DACH2: variants seen among roughly 807,000 people sequenced by gnomAD.
The protein encoded by DACH2 is dachshund family transcription factor 2.
Under a neutral mutation model 35.8 loss-of-function variants are expected in DACH2, and 17 were observed. That is an observed-to-expected ratio of 0.48 (90% confidence interval 0.33 to 0.71). The LOEUF is 0.71. DACH2 is among the 30% of genes least tolerant of loss of function. The pLI is 0.02. For missense variants in DACH2, 469 were observed against 472.7 expected (o/e 0.99, Z 0.07); for synonymous variants, 195 against 177.3 (o/e 1.10, Z -0.79).
chrX:86,679,512 C>T (rs1203605278), intron 4 of DACH2, among the ~76,000 whole-genome samples: 1 of 110,743 alleles, frequency 9.0e-6, no homozygotes, highest in Non-Finnish European at 1.9e-5. Context: ...TTTGAAGTTA[C>T]TATTATTTTA....
intron 3 of DACH2, among the ~76,000 whole-genome samples, chrX:86,587,863 T>C (rs2039594735): frequency 8.9e-6 from 1 of 112,135 alleles, no homozygotes; most frequent in Admixed American, 9.5e-5. Flanking sequence ...GTGCAAAAGC[T>C]TTCATTTAAT....
intron 3 of DACH2, among the ~76,000 whole-genome samples, chrX:86,569,059 A>G (rs1476501687): frequency 9.0e-6 from 1 of 111,514 alleles, no homozygotes; most frequent in Non-Finnish European, 1.9e-5. Flanking sequence ...AATGTGACAG[A>G]CAAGATTTAG....
intron 1 of DACH2, chrX:86,160,192 A>G (rs1300200631): frequency 9.1e-7 from 1 of 1,099,705 alleles, no homozygotes. Context: ...TTCTTCCACC[A>G]CTGATTAAGA....
chrX:86,161,225 C>A (rs189772925), intron 1 of DACH2: 1 of 1,185,521 alleles, frequency 8.4e-7, no homozygotes, highest in African/African-American at 1.8e-5. Context: ...GTTTCACATC[C>A]AGTGTGTAAG....
At chrX:86,419,837 A>C (rs1332342961) in intron 2 of DACH2, among the ~76,000 whole-genome samples, 5 of 111,617 alleles carry the variant, frequency 4.5e-5, no homozygotes, top group Non-Finnish European at 9.4e-5. Context: ...GATGATGCCT[A>C]GCTTCAGGAG....
intron 3 of DACH2, among the ~76,000 whole-genome samples, chrX:86,541,730 T>A (rs1442829732): frequency 8.9e-6 from 1 of 111,737 alleles, no homozygotes; most frequent in Non-Finnish European, 1.9e-5. Context: ...GTATACATTA[T>A]CTTATTTGAT....
rs774527537 is a variant in DACH2, at chrX:86,642,547, T to C, written c.641-8489T>C. On this transcript the variant is annotated intron_variant, in intron 3 of 11. Coordinates refer to ENST00000373125, the MANE Select transcript of DACH2 (RefSeq NM_053281.3). The stretch of plus-strand genomic sequence containing the variant: ...TCCACTGACAGCATTAGATAGATCA[T>C]TGAGGAAGAAAATGAACAAACATAC... Among the ~76,000 whole-genome samples the C allele has an allele frequency of 1.2e-4, 13 of 111,580 alleles. No individual in the cohort carries two copies. The East Asian group carries it at 2.3e-3, about 19-fold the overall frequency.
At chrX:86,608,987 C>A (rs1371015156) in intron 3 of DACH2, among the ~76,000 whole-genome samples, 1 of 110,989 alleles carries the variant, frequency 9.0e-6, no homozygotes, top group Non-Finnish European at 1.9e-5. Flanking sequence ...CTATAATATC[C>A]TTGTGCTTGG....
chrX:86,783,420 C>T (rs1954368), intron 7 of DACH2, among the ~76,000 whole-genome samples: 48,150 of 110,565 alleles, frequency 0.44, 7,789 homozygotes, highest in East Asian at 0.57. Flanking sequence ...TGGGTATATA[C>T]CCAAAAGAAA....
chrX:86,414,120 C>G (rs957476839), intron 2 of DACH2, among the ~76,000 whole-genome samples: 8 of 111,607 alleles, frequency 7.2e-5, no homozygotes, highest in African/African-American at 2.3e-4. Context: ...CCCTTTCATT[C>G]AAGGGGTTTT....
At chrX:86,397,289 G>C (rs1009847649) in intron 2 of DACH2, among the ~76,000 whole-genome samples, 1 of 111,224 alleles carries the variant, frequency 9.0e-6, no homozygotes, top group African/African-American at 3.3e-5. Flanking sequence ...GGAGATTTTG[G>C]GCTGAGACGA....
At chrX:86,457,266 T>C (rs2037492398) in intron 2 of DACH2, among the ~76,000 whole-genome samples, 1 of 111,688 alleles carries the variant, frequency 9.0e-6, no homozygotes, top group South Asian at 3.7e-4. Context: ...TGGATAACGG[T>C]TCTCTAAGTA....
intron 2 of DACH2, among the ~76,000 whole-genome samples, chrX:86,411,801 C>T (rs761755090): frequency 1.8e-5 from 2 of 111,503 alleles, no homozygotes; most frequent in South Asian, 3.8e-4. Flanking sequence ...TGATGACTAC[C>T]TTCTTCTACT....
At chrX:86,410,173 A>G (rs1958809459) in intron 2 of DACH2, among the ~76,000 whole-genome samples, 1 of 112,313 alleles carries the variant, frequency 8.9e-6, no homozygotes, top group African/African-American at 3.2e-5. Flanking sequence ...TTAAAACAGC[A>G]ATACTTTACT....
intron 1 of DACH2, among the ~76,000 whole-genome samples, chrX:86,293,202 A>G (rs2034350062): frequency 9.5e-6 from 1 of 105,237 alleles, no homozygotes; most frequent in Non-Finnish European, 1.9e-5. Context: ...GTCTCTTTTG[A>G]TCTTTGTTGA....
chrX:86,457,056 T>C (rs1042883916), intron 2 of DACH2, among the ~76,000 whole-genome samples: 4 of 111,734 alleles, frequency 3.6e-5, no homozygotes, highest in African/African-American at 6.5e-5. Flanking sequence ...AGTTTGACTA[T>C]GACATGCCTA....
chrX:86,423,848 A>G (rs1315492801), intron 2 of DACH2, among the ~76,000 whole-genome samples: 2 of 110,820 alleles, frequency 1.8e-5, no homozygotes, highest in African/African-American at 6.5e-5. Context: ...CAAATCAAAG[A>G]TCAGAGATAG....
At chrX:86,731,077 T>G (rs2041527816) in intron 6 of DACH2, among the ~76,000 whole-genome samples, 1 of 111,685 alleles carries the variant, frequency 9.0e-6, no homozygotes, top group Non-Finnish European at 1.9e-5. Context: ...CTTAGTCAGA[T>G]AATGTTGAAT....
chrX:86,685,878 C>A (rs1435866495), intron 4 of DACH2, among the ~76,000 whole-genome samples: 2 of 111,364 alleles, frequency 1.8e-5, no homozygotes, highest in Non-Finnish European at 3.8e-5. Flanking sequence ...CCACCAGGCC[C>A]CACCTCCAGC....
Sources: allele counts gnomAD v4.1 joint callset (sites outside exome capture counted in the v4.1 genomes callset), GRCh38; gene constraint gnomAD v4.1.1; transcripts MANE v1.5; gene names NCBI Gene and HGNC (gene_info 2026-07-23, HGNC 2026-07-21).